MACROD2: variants seen among roughly 807,000 people sequenced by gnomAD.
MACROD2 encodes mono-ADP ribosylhydrolase 2.
A neutral mutation model predicts 70.4 loss-of-function variants in MACROD2; 36 were observed. The observed-to-expected ratio is 0.51, with a 90% CI of 0.39 to 0.68. The LOEUF is 0.68. MACROD2 is among the 30% of genes least tolerant of loss of function. The probability of loss-of-function intolerance (pLI) is 0.00; values close to 1 mark genes in which losing one functional copy is unlikely to be tolerated. For synonymous variants in MACROD2, 172 were observed against 178.8 expected (o/e 0.96, Z 0.30); for missense variants, 496 against 538.4 (o/e 0.92, Z 0.78).
chr20:14,691,845 C>T (rs553814956), intron 5 of MACROD2, among the ~76,000 whole-genome samples: 4 of 152,230 alleles, frequency 2.6e-5, no homozygotes, highest in South Asian at 2.1e-4. Context: ...AGAGAAAAGC[C>T]GCTTTTGAAG....
chr20:14,433,641 A>G (rs2084021387), intron 3 of MACROD2, among the ~76,000 whole-genome samples: 7 of 152,120 alleles, frequency 4.6e-5, no homozygotes, highest in Admixed American at 4.6e-4. Context: ...GACTACTCAC[A>G]AAACAGAAAA....
intron 10 of MACROD2, among the ~76,000 whole-genome samples, chr20:15,896,552 T>C (rs2064976140): frequency 6.8e-6 from 1 of 146,918 alleles, no homozygotes; most frequent in East Asian, 2.0e-4. Flanking sequence ...TTTTTTTTTC[T>C]AGAAAAAACA....
At chr20:14,331,953 T>C (rs2082849833) in intron 3 of MACROD2, among the ~76,000 whole-genome samples, 1 of 152,130 alleles carries the variant, frequency 6.6e-6, no homozygotes, top group South Asian at 2.1e-4. Flanking sequence ...AGGCCATTAC[T>C]TCTGAACAAA....
At chr20:14,760,603 C>T (rs1281532516) in intron 5 of MACROD2, among the ~76,000 whole-genome samples, 3 of 152,038 alleles carry the variant, frequency 2.0e-5, no homozygotes, top group Non-Finnish European at 4.4e-5. Context: ...CCATTTAGGA[C>T]CTTGTTCCCT....
chr20:15,641,632 C>CTATT (rs1288577054), intron 8 of MACROD2, among the ~76,000 whole-genome samples: 1 of 152,164 alleles, frequency 6.6e-6, no homozygotes, highest in Non-Finnish European at 1.5e-5. Flanking sequence ...GTAGGGTCTT[C>CTATT]TATTTCATCC....
intron 5 of MACROD2, among the ~76,000 whole-genome samples, chr20:15,071,187 T>A (rs2075616677): frequency 6.6e-6 from 1 of 152,208 alleles, no homozygotes; most frequent in African/African-American, 2.4e-5. Context: ...TGACATGCTT[T>A]TACTTGGTCA....
At chr20:14,047,156 A>G (rs2053490235) in intron 2 of MACROD2, among the ~76,000 whole-genome samples, 1 of 152,186 alleles carries the variant, frequency 6.6e-6, no homozygotes, top group Non-Finnish European at 1.5e-5. Context: ...AAAGAAATCC[A>G]TGGAAATGGG....
At chr20:14,670,204 A>G (rs527812347) in intron 4 of MACROD2, among the ~76,000 whole-genome samples, 2 of 152,240 alleles carry the variant, frequency 1.3e-5, no homozygotes, top group East Asian at 3.9e-4. Context: ...GTCATCTACG[A>G]TGATGAATTT....
intron 10 of MACROD2, among the ~76,000 whole-genome samples, chr20:15,915,791 G>C (rs183692247): frequency 1.8e-4 from 28 of 152,206 alleles, no homozygotes; most frequent in Admixed American, 5.2e-4. Context: ...AGAAGCAAAG[G>C]AAAATAAGTA....
At chr20:14,620,765 T>G (rs1983782501) in intron 4 of MACROD2, among the ~76,000 whole-genome samples, 1 of 152,154 alleles carries the variant, frequency 6.6e-6, no homozygotes, top group Admixed American at 6.6e-5. Flanking sequence ...TTTATCCTAA[T>G]GACAGGATAT....
chr20:15,504,662 C>T (rs2047403835), intron 8 of MACROD2, among the ~76,000 whole-genome samples: 1 of 152,060 alleles, frequency 6.6e-6, no homozygotes, highest in Non-Finnish European at 1.5e-5. Flanking sequence ...CTGGCATTTT[C>T]AGCTAAATTA....
chr20:14,971,518 G>T (rs527832567), intron 5 of MACROD2, among the ~76,000 whole-genome samples: 22 of 152,176 alleles, frequency 1.4e-4, no homozygotes, highest in African/African-American at 4.8e-4. Context: ...TCTATTGATA[G>T]TTATTAAATC....
intron 8 of MACROD2, among the ~76,000 whole-genome samples, chr20:15,693,732 A>G (rs901995425): frequency 6.6e-6 from 1 of 152,096 alleles, no homozygotes; most frequent in African/African-American, 2.4e-5. Context: ...TATTATTTTC[A>G]TAAGTTATTG....
At chr20:15,064,397 G>A (rs2075557713) in intron 5 of MACROD2, among the ~76,000 whole-genome samples, 2 of 152,150 alleles carry the variant, frequency 1.3e-5, no homozygotes, top group African/African-American at 4.8e-5. Context: ...CACTGAGCCT[G>A]TTGACTCGGA....
At position 15,700,652 on chromosome 20, in the gene MACROD2, C is replaced by T. The variant is rs958080411; in HGVS notation, c.646-162093C>T. On this transcript the variant is annotated intron_variant, in intron 8 of 17. Transcript: ENST00000684519. ...GGCCAAGTTAATTAACTGTAGAAGA[C>T]CTCAATTTTGTTGTCTTTTAAAACA... Among the ~76,000 whole-genome samples the T allele has an allele frequency of 3.3e-5, 5 of 152,220 alleles. No homozygotes were observed. In the East Asian group the frequency reaches 9.7e-4, roughly 29 times the overall value.
intron 6 of MACROD2, among the ~76,000 whole-genome samples, chr20:15,245,092 A>G (rs927270049): frequency 2.0e-5 from 3 of 152,254 alleles, no homozygotes; most frequent in Non-Finnish European, 2.9e-5. Flanking sequence ...AATGTGAGAC[A>G]TGGAGAATTA....
At chr20:15,507,793 T>G (rs2047447415) in intron 8 of MACROD2, among the ~76,000 whole-genome samples, 1 of 152,172 alleles carries the variant, frequency 6.6e-6, no homozygotes, top group Admixed American at 6.6e-5. Flanking sequence ...CATAATGAGG[T>G]TTTGGAGCCA....
chr20:14,668,129 G>A (rs925968493), intron 4 of MACROD2, among the ~76,000 whole-genome samples: 2 of 151,786 alleles, frequency 1.3e-5, no homozygotes, highest in East Asian at 3.9e-4. Context: ...ACTTTAGCCT[G>A]GGCAACAGAG....
chr20:15,762,255 G>A (rs960586303), intron 8 of MACROD2, among the ~76,000 whole-genome samples: 1 of 152,192 alleles, frequency 6.6e-6, no homozygotes, highest in African/African-American at 2.4e-5. Flanking sequence ...TGAGGCGAAT[G>A]TTACTGTTTT....
Sources: allele counts gnomAD v4.1 joint callset (sites outside exome capture counted in the v4.1 genomes callset), GRCh38; gene constraint gnomAD v4.1.1; transcripts MANE v1.5; gene names NCBI Gene and HGNC (gene_info 2026-07-23, HGNC 2026-07-21).